AP3S2: variants seen among roughly 807,000 people sequenced by gnomAD.
AP3S2 encodes the protein AP-3 complex subunit sigma-2.
A neutral mutation model predicts 23.4 loss-of-function variants in AP3S2; 22 were observed. The observed-to-expected ratio is 0.94, with a 90% CI of 0.67 to 1.34. The LOEUF (loss-of-function observed/expected upper bound fraction) is 1.34, where lower values mean the gene tolerates loss of function less well. AP3S2 is among the 40% of genes most tolerant of loss of function. The probability of loss-of-function intolerance (pLI) is 0.00; values close to 1 mark genes in which losing one functional copy is unlikely to be tolerated. For missense variants in AP3S2, 241 were observed against 236.9 expected, an observed-to-expected ratio of 1.02 and a Z score of -0.11; for synonymous variants, 86 against 87.1, an observed-to-expected ratio of 0.99 and a Z score of 0.07.
intron 4 of AP3S2, among the ~76,000 whole-genome samples, chr15:89,839,539 C>A (rs1222684088): frequency 6.6e-6 from 1 of 152,114 alleles, no homozygotes; most frequent in Non-Finnish European, 1.5e-5. Context: ...TAAAATTATT[C>A]CCTGGGGGAA....
Position 89,871,979 on chromosome 15 carries a change from C to T in AP3S2, c.274-433G>A, listed in dbSNP as rs190865919. ...CAAAAATTATCTGGGTGTGGCGACACGAGCCTGTTATAGTCCCAGCTACTT... is the reference window on the plus strand; with the variant it reads ...CAAAAATTATCTGGGTGTGGCGACATGAGCCTGTTATAGTCCCAGCTACTT... On this transcript the variant is annotated intron_variant, in intron 3 of 5. Coordinates refer to ENST00000336418, the MANE Select transcript of AP3S2 (RefSeq NM_005829.5). Among the ~76,000 whole-genome samples the T allele has an allele frequency of 5.5e-3, 832 of 151,872 alleles. 7 individuals are homozygous for T. Among genetic ancestry groups the T allele is most frequent in the Non-Finnish European group, 7.1e-3 (484 of 67,938 alleles).
At chr15:89,859,362 T>TTTCCTTCC (rs1322730022) in intron 4 of AP3S2, among the ~76,000 whole-genome samples, 5 of 134,220 alleles carry the variant, frequency 3.7e-5, no homozygotes, top group Admixed American at 7.9e-5. Context: ...CTTTCCTTCC[T>TTTCCTTCC]TTCCTTCCTT....
At chr15:89,860,426 G>C (rs943266525) in intron 4 of AP3S2, among the ~76,000 whole-genome samples, 9 of 152,186 alleles carry the variant, frequency 5.9e-5, no homozygotes, top group African/African-American at 2.2e-4. Flanking sequence ...TGGCTACTAA[G>C]TAAGCAGTGG....
chr15:89,886,528 A>G (rs1038092092), intron 3 of AP3S2: 3 of 152,056 alleles, frequency 2.0e-5, no homozygotes, highest in Admixed American at 1.3e-4. Flanking sequence ...ATCCTTGCAT[A>G]GTGGCAATGC....
At chr15:89,860,292 G>A (rs1175161907) in intron 4 of AP3S2, among the ~76,000 whole-genome samples, 1 of 152,032 alleles carries the variant, frequency 6.6e-6, no homozygotes, top group South Asian at 2.1e-4. Flanking sequence ...GATTAACAAC[G>A]ATAACTAATA....
chr15:89,835,682 A>G, intron 5 of AP3S2, 39 bp from the exon 6 acceptor site: 1 of 1,525,742 alleles, frequency 6.6e-7, no homozygotes, highest in Non-Finnish European at 8.8e-7. Flanking sequence ...ACAAATTCTC[A>G]CTGTTATCTG....
At chr15:89,891,432 G>A (rs1442074285) in intron 1 of AP3S2, among the ~76,000 whole-genome samples, 1 of 152,190 alleles carries the variant, frequency 6.6e-6, no homozygotes, top group African/African-American at 2.4e-5. Context: ...GCCAAGACGG[G>A]CAGATTACTT....
chr15:89,872,020 G>A (rs1439764448), intron 3 of AP3S2, among the ~76,000 whole-genome samples: 1 of 151,430 alleles, frequency 6.6e-6, no homozygotes, highest in Non-Finnish European at 1.5e-5. Context: ...GCTGAGGCAC[G>A]AGAATAGCTT....
At chr15:89,841,637 A>C (rs1039642256) in intron 4 of AP3S2, among the ~76,000 whole-genome samples, 1 of 152,136 alleles carries the variant, frequency 6.6e-6, no homozygotes, top group Non-Finnish European at 1.5e-5. Flanking sequence ...CATTGTGGAG[A>C]TGCTAAGAGA....
At chr15:89,846,517 C>T (rs756591287) in intron 4 of AP3S2, among the ~76,000 whole-genome samples, 18 of 152,226 alleles carry the variant, frequency 1.2e-4, no homozygotes, top group Non-Finnish European at 2.2e-4. Context: ...TGCCACCACA[C>T]CCGGCTAATT....
intron 4 of AP3S2, among the ~76,000 whole-genome samples, chr15:89,870,150 C>T (rs1028322759): frequency 2.6e-5 from 4 of 152,176 alleles, no homozygotes; most frequent in African/African-American, 9.7e-5. Context: ...GACTCTAGTT[C>T]CTCTAGTACA....
rs1053901288 is a variant in AP3S2 at position 89,886,834 on chromosome 15, G to A, written c.273+1687C>T. Among the ~76,000 whole-genome samples, 4 of 152,126 alleles carry A rather than the reference G, an allele frequency of 2.6e-5. No individual in the cohort carries two copies. In the East Asian group the frequency reaches 5.8e-4, roughly 22 times the overall value. On this transcript the variant is annotated intron_variant, in intron 3 of 5. Transcript: ENST00000336418. ...TTTTGAGACAGGGTCTCACTCTGTT[G>A]CCCAGGCTGGAGTGGAGTGGCACAA...
At chr15:89,864,416 G>A (rs549229625) in intron 4 of AP3S2, among the ~76,000 whole-genome samples, 1 of 152,260 alleles carries the variant, frequency 6.6e-6, no homozygotes, top group East Asian at 1.9e-4. Flanking sequence ...GAGAAAGGAA[G>A]AAACATCCTT....
chr15:89,882,462 TCTC>T (rs1896594746), intron 3 of AP3S2, among the ~76,000 whole-genome samples: 1 of 151,880 alleles, frequency 6.6e-6, no homozygotes, highest in Admixed American at 6.6e-5. Flanking sequence ...TTCAAGAGGT[TCTC>T]CTACCTCAGC....
chr15:89,840,145 G>C (rs911465336), intron 4 of AP3S2, among the ~76,000 whole-genome samples: 9 of 152,138 alleles, frequency 5.9e-5, no homozygotes, highest in African/African-American at 1.9e-4. Context: ...GGTGGCGACT[G>C]CACAACAATG....
chr15:89,874,761 G>C (rs2141885471), intron 3 of AP3S2, among the ~76,000 whole-genome samples: 1 of 152,190 alleles, frequency 6.6e-6, no homozygotes, highest in East Asian at 1.9e-4. Context: ...CAGCCTGAGT[G>C]ACATACCAAG....
At chr15:89,878,174 A>G (rs1596215854) in intron 3 of AP3S2, 1 of 578,944 alleles carries the variant, frequency 1.7e-6, no homozygotes, top group East Asian at 3.1e-5. Flanking sequence ...ATAATCCAGC[A>G]CAAATAAGCT....
At position 89,856,818 on chromosome 15, in the gene AP3S2, A is replaced by T. The variant is rs565671872; in HGVS notation, c.345+14657T>A. 5.3e-5 allele frequency among the ~76,000 whole-genome samples: 8 copies of T among 151,264 alleles called. No homozygotes were observed. In the East Asian group the frequency reaches 1.5e-3, roughly 29 times the overall value. On this transcript the variant is annotated intron_variant, in intron 4 of 5. Transcript: ENST00000336418. ...AACCCGGGAGGCAGAGGTTACAGTGAGCCAAGATCATGCCACTGCACTCCA... is the reference window on the plus strand; with the variant it reads ...AACCCGGGAGGCAGAGGTTACAGTGTGCCAAGATCATGCCACTGCACTCCA...
Position 89,836,032 on chromosome 15 carries a change from A to C in AP3S2, c.454-389T>G, listed in dbSNP as rs1249357081. Among the ~76,000 whole-genome samples, 3 of 152,282 alleles carry C rather than the reference A, an allele frequency of 2.0e-5. 1 individual carries two copies. The highest frequency in any genetic ancestry group is 7.2e-5 in the African/African-American group (3 of 41,574). On this transcript the variant is annotated intron_variant, in intron 5 of 5. Transcript: ENST00000336418. ...AACAGAGTGAGACTCTGTCTCAAAC[A>C]AACAAACAAACAAAATAACAGGTGA... is the stretch of plus-strand genomic sequence containing the variant.
Sources: allele counts gnomAD v4.1 joint callset (sites outside exome capture counted in the v4.1 genomes callset), GRCh38; gene constraint gnomAD v4.1.1; transcripts MANE v1.5; gene names NCBI Gene and HGNC (gene_info 2026-07-23, HGNC 2026-07-21).